Variants in PRDM16 observed in about 807,000 individuals in gnomAD.
PRDM16 encodes PR/SET domain 16, also known as histone-lysine N-methyltransferase PRDM16.
A neutral mutation model predicts 110.6 loss-of-function variants in PRDM16; 23 were observed. The ratio of observed to expected loss-of-function variants is 0.21; its 90% CI spans 0.15 to 0.29. The LOEUF (loss-of-function observed/expected upper bound fraction) is 0.29. PRDM16 is among the 10% of genes least tolerant of loss of function. The pLI is 1.00. For missense variants in PRDM16, 1,615 were observed against 1,794.3 expected (o/e 0.90, Z 1.81); for synonymous variants, 799 against 781.8 (o/e 1.02, Z -0.37).
chr1:3,144,580 C>T (rs1643611098), intron 1 of PRDM16, among the ~76,000 whole-genome samples: 1 of 152,170 alleles, frequency 6.6e-6, no homozygotes, highest in Non-Finnish European at 1.5e-5. Flanking sequence ...GAAGCCCTCA[C>T]TCTCTGTACC....
At chr1:3,403,108 GC>G in intron 6 of PRDM16, 110 bp downstream of exon 6, 2 of 961,978 alleles carry the variant, frequency 2.1e-6, no homozygotes, top group Admixed American at 2.1e-5. Flanking sequence ...CCCCCGCCTC[GC>G]CCCCCAACAG....
chr1:3,159,700 A>G (rs1021939904), intron 1 of PRDM16, among the ~76,000 whole-genome samples: 20 of 152,178 alleles, frequency 1.3e-4, no homozygotes, highest in African/African-American at 4.8e-4. Context: ...GTTGAGTTGG[A>G]GTCCAGGTGG....
At position 3,412,646 on chromosome 1, in the gene PRDM16, G is replaced by C; in HGVS notation, c.2449G>C (p.Gly817Arg). The C allele has an allele frequency of 6.5e-7, 1 of 1,549,768 alleles. No individual in the cohort carries two copies. The highest frequency in any genetic ancestry group is 8.7e-7 in the Non-Finnish European group (1 of 1,148,130). ...IGSRARASQN[G>R]GGREPRKNHV... ...CAGCCGGGCCCGTGCCAGCCAAAAC[G>C]GCGGCGGGCGGGAGCCCCGCAAGAA... is the stretch of plus-strand genomic sequence containing the variant. The change falls in exon 9 of 17, where the codon GGC becomes CGC. Residue 817 changes from glycine (G) to arginine (R), a missense_variant. Physicochemically the swap from Gly to Arg is moderately radical, Grantham distance 125. Transcript: ENST00000270722.
intron 2 of PRDM16, among the ~76,000 whole-genome samples, chr1:3,238,637 C>T (rs1050163185): frequency 2.6e-5 from 4 of 152,242 alleles, no homozygotes; most frequent in Non-Finnish European, 5.9e-5. Flanking sequence ...CCGCCTTTCA[C>T]GGTTCTTGCG....
rs868312025 is a variant in PRDM16, at chr1:3,198,220, G to T, written c.387+11746G>T. The stretch of plus-strand genomic sequence containing the variant: ...TGTGGCTGGGTTGCTGTGGTTGAAG[G>T]CACCTGCCTTAAGGGGCCAGGTCGG... On this transcript the variant is annotated intron_variant, in intron 2 of 16. Transcript: ENST00000270722. Among the ~76,000 whole-genome samples, 39 of 152,318 alleles carry T rather than the reference G, an allele frequency of 2.6e-4. No individual in the cohort carries two copies. In the Middle Eastern group the frequency reaches 0.014, roughly 53 times the overall value.
chr1:3,215,424 T>C (rs796086286), intron 2 of PRDM16, among the ~76,000 whole-genome samples: 1,567 of 82,488 alleles, frequency 0.019, 14 homozygotes, highest in African/African-American at 0.13. Context: ...AGGCAAGGCC[T>C]ATTGGGGTCC....
Position 3,331,976 on chromosome 1 carries a change from C to T in PRDM16, c.439-53176C>T, listed in dbSNP as rs142738167. ...CAGTGGCTCTATCATGCCCCTAAAA[C>T]ATAGACTCTGGCCCTGGGACTGGGT... On this transcript the variant is annotated intron_variant, in intron 3 of 16. Transcript: ENST00000270722. Among the ~76,000 whole-genome samples the T allele has an allele frequency of 3.2e-3, 490 of 152,360 alleles. 4 individuals are homozygous for T. Among genetic ancestry groups the T allele is most frequent in the African/African-American group, 0.011 (475 of 41,596 alleles).
intron 1 of PRDM16, among the ~76,000 whole-genome samples, chr1:3,185,467 CCCAGGCTGCGGCCCAAGTGCAGGGATGT>C (rs1222309278): frequency 2.0e-5 from 3 of 151,962 alleles, no homozygotes; most frequent in African/African-American, 2.4e-5. Context: ...TGCAGGGATG[CCCAGGCTGCGGCCCAAGTGCAGGGATGT>C]CCAGGCTGCG....
At position 3,124,002 on chromosome 1, in the gene PRDM16, C is replaced by T. The variant is rs553609870; in HGVS notation, c.37+54706C>T. 2.0e-5 allele frequency among the ~76,000 whole-genome samples: 3 copies of T among 152,348 alleles called. No individual in the cohort carries two copies. In the East Asian group the frequency reaches 5.8e-4, roughly 30 times the overall value. On this transcript the variant is annotated intron_variant, in intron 1 of 16. Coordinates refer to ENST00000270722, the MANE Select transcript of PRDM16 (RefSeq NM_022114.4). ...GCCGTATGGTGGGCGTCCGAGTCGT[C>T]TCCTTCTCCCAGGCTTTGTGTGGAA...
Position 3,290,305 on chromosome 1 carries a change from C to T in PRDM16, c.438+46168C>T, listed in dbSNP as rs1213578819. 5.3e-5 allele frequency among the ~76,000 whole-genome samples: 8 copies of T among 152,086 alleles called. No homozygotes were observed. The highest frequency in any genetic ancestry group is 1.9e-4 in the African/African-American group (8 of 41,408). On this transcript the variant is annotated intron_variant, in intron 3 of 16. Transcript: ENST00000270722. The surrounding 1 kb of genome is among the most constrained non-coding windows in gnomAD (Gnocchi z 4.8). ...CTGCCAGCCCACAGGGCTCAGGGGT[C>T]CTCAGAGGTGTCGCCCCTTCCATGC...
At chr1:3,085,705 A>G (rs1413028761) in intron 1 of PRDM16, among the ~76,000 whole-genome samples, 2 of 152,204 alleles carry the variant, frequency 1.3e-5, no homozygotes, top group Admixed American at 1.3e-4. Context: ...CCTGGAGGCC[A>G]TGGAAGGGCT....
chr1:3,403,708 T>C (rs1032516393), intron 6 of PRDM16, among the ~76,000 whole-genome samples: 5 of 151,820 alleles, frequency 3.3e-5, no homozygotes, highest in African/African-American at 1.2e-4. Context: ...CTGTGGGGAG[T>C]GAAACCAGGA....
chr1:3,181,593 G>C (rs1195066025), intron 1 of PRDM16, among the ~76,000 whole-genome samples: 2 of 74,768 alleles, frequency 2.7e-5, no homozygotes, highest in Non-Finnish European at 5.0e-5. Flanking sequence ...CTTACATATG[G>C]TCTTACACAT....
At chr1:3,147,319 G>A (rs1643693816) in intron 1 of PRDM16, among the ~76,000 whole-genome samples, 1 of 151,922 alleles carries the variant, frequency 6.6e-6, no homozygotes. Context: ...CTTGAGGTCT[G>A]GGGTGTGTGA....
chr1:3,245,087 C>T lies in PRDM16; in HGVS notation c.438+950C>T, dbSNP rs548979867. On this transcript the variant is annotated intron_variant, in intron 3 of 16. Transcript: ENST00000270722. The surrounding 1 kb of genome is among the most constrained non-coding windows in gnomAD (Gnocchi z 4.7). ...AGGGGGCGGGGTGGGGCGGGGTGCA[C>T]CATGGGGGTTGCTGGCACAGAGGAG... 3.0e-4 allele frequency among the ~76,000 whole-genome samples: 46 copies of T among 152,238 alleles called. No individual in the cohort carries two copies. Among genetic ancestry groups the T allele is most frequent in the African/African-American group, 9.9e-4 (41 of 41,546 alleles).
intron 3 of PRDM16, among the ~76,000 whole-genome samples, chr1:3,258,522 T>A (rs546308337): frequency 1.3e-5 from 2 of 152,346 alleles, no homozygotes; most frequent in Admixed American, 6.5e-5. Context: ...GTTAACAAGA[T>A]GTTTCTCCAG....
chr1:3,230,451 C>T (rs944959368), intron 2 of PRDM16, among the ~76,000 whole-genome samples: 2 of 152,246 alleles, frequency 1.3e-5, no homozygotes, highest in African/African-American at 4.8e-5. Flanking sequence ...GACCCTTCCC[C>T]ATCCCAGAGG....
intron 2 of PRDM16, among the ~76,000 whole-genome samples, chr1:3,220,084 T>C (rs1394907238): frequency 5.3e-5 from 8 of 152,234 alleles, no homozygotes; most frequent in African/African-American, 1.9e-4. Flanking sequence ...TAAATGGGTT[T>C]GCCTGCATCT....
chr1:3,271,956 C>T (rs1640465760), intron 3 of PRDM16, among the ~76,000 whole-genome samples: 1 of 152,200 alleles, frequency 6.6e-6, no homozygotes, highest in African/African-American at 2.4e-5. Flanking sequence ...CCACACATTG[C>T]CCTGGGACAC....
Sources: gnomAD v4.1 joint callset for allele counts (sites outside exome capture counted in the v4.1 genomes callset) on GRCh38, gnomAD v4.1.1 for gene constraint, Gnocchi (gnomAD v3.1) non-coding constraint, MANE v1.5 for transcripts, NCBI Gene and HGNC (gene_info 2026-07-23, HGNC 2026-07-21) for gene names.